The following AHR variants were observed in gnomAD, a reference collection of about 807,000 sequenced individuals.
The protein encoded by AHR is AH-receptor.
AHR carries 40 observed loss-of-function variants against 86.8 expected under a neutral mutation model. The observed-to-expected ratio is 0.46, with a 90% confidence interval of 0.36 to 0.60. The LOEUF is 0.60. Among genes scored for constraint, AHR ranks in the 20% least tolerant of loss-of-function variants. The pLI, the probability that AHR is intolerant of heterozygous loss-of-function variation, is 0.00. For missense variants in AHR, 1,001 were observed against 1,011.6 expected, an observed-to-expected ratio of 0.99 and a Z score of 0.14; for synonymous variants, 398 against 354.9, an observed-to-expected ratio of 1.12 and a Z score of -1.37.
At chr7:17,341,701 T>C (rs921347378) in intron 10 of AHR, among the ~76,000 whole-genome samples, 2 of 152,180 alleles carry the variant, frequency 1.3e-5, no homozygotes, top group Non-Finnish European at 2.9e-5. Flanking sequence ...ATCTCATCTT[T>C]TATTATTGAT....
At chr7:17,340,645 C>G (rs1321925752) in intron 10 of AHR, among the ~76,000 whole-genome samples, 2 of 152,116 alleles carry the variant, frequency 1.3e-5, no homozygotes, top group Non-Finnish European at 2.9e-5. Context: ...ATAATTTCTT[C>G]AAAGCTCTAT....
intron 1 of AHR, among the ~76,000 whole-genome samples, chr7:17,302,848 A>T (rs1019172656): frequency 6.6e-6 from 1 of 151,858 alleles, no homozygotes; most frequent in African/African-American, 2.4e-5. Flanking sequence ...ACTGCTAAAG[A>T]TACAAATGAA....
At chr7:17,308,743 A>C (rs1030796568) in intron 1 of AHR, among the ~76,000 whole-genome samples, 3 of 152,010 alleles carry the variant, frequency 2.0e-5, no homozygotes, top group African/African-American at 7.2e-5. Context: ...CATTTTACCG[A>C]TGTATTACCT....
chr7:17,329,143 A>G (rs148750086), intron 4 of AHR, among the ~76,000 whole-genome samples: 16 of 152,062 alleles, frequency 1.1e-4, no homozygotes, highest in African/African-American at 3.9e-4. Context: ...TGGTAGATTA[A>G]GACACCATTT....
chr7:17,317,445 A>T (rs774346145), intron 2 of AHR, among the ~76,000 whole-genome samples: 2 of 152,136 alleles, frequency 1.3e-5, no homozygotes, highest in African/African-American at 4.8e-5. Context: ...GTCTTAAGAT[A>T]GGTGCTTCAG....
rs193023816 is a variant in AHR, at chr7:17,332,507, A to G, written c.706-1405A>G. On this transcript the variant is annotated intron_variant, in intron 6 of 10. Coordinates refer to ENST00000242057, the MANE Select transcript of AHR (RefSeq NM_001621.5). ...ATCATTAATGATCCTCACCCTGTAC[A>G]GACCTAAGCTAATGTGTGGGTTTGT... Among the ~76,000 whole-genome samples, 33 of 151,972 alleles carry G rather than the reference A, an allele frequency of 2.2e-4. No homozygotes were observed. The East Asian group carries it at 5.2e-3, about 24-fold the overall frequency.
intron 9 of AHR, among the ~76,000 whole-genome samples, chr7:17,337,044 T>C (rs900592310): frequency 1.3e-5 from 2 of 152,168 alleles, no homozygotes; most frequent in Admixed American, 6.5e-5. Flanking sequence ...TTTGCTATCT[T>C]ATTTTTATTA....
chr7:17,308,990 G>A (rs1052459650), intron 1 of AHR, among the ~76,000 whole-genome samples: 1 of 152,178 alleles, frequency 6.6e-6, no homozygotes, highest in Non-Finnish European at 1.5e-5. Context: ...AGGTATAGAG[G>A]TATAAGGTAT....
intron 3 of AHR, among the ~76,000 whole-genome samples, chr7:17,325,080 G>T (rs1168884681): frequency 6.6e-6 from 1 of 152,124 alleles, no homozygotes; most frequent in Non-Finnish European, 1.5e-5. Context: ...TTTCAGATAG[G>T]TTGAGTGAAT....
intron 2 of AHR, among the ~76,000 whole-genome samples, chr7:17,321,545 A>C (rs982151085): frequency 6.6e-6 from 1 of 151,216 alleles, no homozygotes; most frequent in African/African-American, 2.4e-5. Context: ...TATTATTTCT[A>C]TTCAGCTGCG....
chr7:17,327,997 TTAA>T lies in AHR; in HGVS notation c.450+154_450+156del, dbSNP rs543885584. On this transcript the variant is annotated intron_variant, in intron 4 of 10. Coordinates refer to ENST00000242057, the MANE Select transcript of AHR (RefSeq NM_001621.5). ...TTGTAGCTAATAATTTTTTCTAATATTAATAATTTACTGCACTATAATTCCTTT... is the reference window on the plus strand; with the variant it reads ...TTGTAGCTAATAATTTTTTCTAATATTAATTTACTGCACTATAATTCCTTT... The T allele has an allele frequency of 9.5e-4, 250 of 262,138 alleles. 1 individual carries two copies. The highest frequency in any genetic ancestry group is 5.2e-3 in the African/African-American group (233 of 44,516). 16.2% of individuals were successfully genotyped at this position (262,138 alleles called of 1,614,324 possible).
chr7:17,333,890 T>G, intron 6 of AHR, 22 bp from the exon 7 acceptor site: 1 of 1,597,646 alleles, frequency 6.3e-7, no homozygotes, highest in Non-Finnish European at 8.6e-7. Flanking sequence ...ATGAACTTTT[T>G]TGTTGTTGTT....
intron 2 of AHR, among the ~76,000 whole-genome samples, chr7:17,320,859 C>G (rs1457240472): frequency 6.6e-6 from 1 of 152,074 alleles, no homozygotes; most frequent in Non-Finnish European, 1.5e-5. Flanking sequence ...AAGTTACATT[C>G]AGAGACCGTG....
chr7:17,310,782 C>G, intron 2 of AHR, among the ~76,000 whole-genome samples: 1 of 152,080 alleles, frequency 6.6e-6, no homozygotes, highest in South Asian at 2.1e-4. Context: ...GTGATCTGCC[C>G]GTCTCAGCCT....
intron 4 of AHR, 65 bp downstream of exon 4, chr7:17,327,913 C>A: frequency 1.6e-6 from 1 of 622,834 alleles, no homozygotes; most frequent in Non-Finnish European, 2.3e-6. Context: ...ATATTTAGGA[C>A]ACAGTTGGCC....
chr7:17,305,648 T>G (rs998728433), intron 1 of AHR, among the ~76,000 whole-genome samples: 10 of 152,108 alleles, frequency 6.6e-5, no homozygotes, highest in Non-Finnish European at 1.5e-5. Flanking sequence ...TAGAGCAAAC[T>G]CAGTACTGTG....
Position 17,328,483 on chromosome 7 carries a change from G to A in AHR, c.450+635G>A, listed in dbSNP as rs1306769019. Among the ~76,000 whole-genome samples the A allele has an allele frequency of 2.0e-5, 3 of 151,966 alleles. No homozygotes were observed. In the East Asian group the frequency reaches 5.8e-4, roughly 29 times the overall value. Reference sequence around the variant, plus strand: ...AGGGCAAGAACATCTTTTATGGTTTGAGAACAGATTGTAACATTTGAATGC... The same window carrying A: ...AGGGCAAGAACATCTTTTATGGTTTAAGAACAGATTGTAACATTTGAATGC... On this transcript the variant is annotated intron_variant, in intron 4 of 10. Transcript: ENST00000242057.
At chr7:17,303,233 A>T (rs1232521357) in intron 1 of AHR, among the ~76,000 whole-genome samples, 1 of 152,092 alleles carries the variant, frequency 6.6e-6, no homozygotes, top group Non-Finnish European at 1.5e-5. Flanking sequence ...GAAAGGTAGT[A>T]TTATTTAAGT....
At position 17,345,432 on chromosome 7, in the gene AHR, C is replaced by T. The variant is rs1290566025; in HGVS notation, c.*2368C>T. The T allele has an allele frequency of 6.6e-6, 1 of 152,446 alleles. No homozygotes were observed. The highest frequency in any genetic ancestry group is 6.6e-5 in the Admixed American group (1 of 15,258). The allele number at this position is 152,446 out of a possible 1,614,324, so 9.4% of individuals were successfully genotyped here. A position where few individuals can be genotyped will look rare whatever the true frequency, so the allele number is the denominator to read the frequency against. On this transcript the variant is annotated 3_prime_UTR_variant, in exon 11 of 11. Transcript: ENST00000242057. ...TGTATTTTCAGTCAAAACTTTAAAC[C>T]TGTAGAATCAATTTAAGTGTTGGAA... is the stretch of plus-strand genomic sequence containing the variant.
Sources: gnomAD v4.1 joint callset for allele counts (sites outside exome capture counted in the v4.1 genomes callset) on GRCh38, gnomAD v4.1.1 for gene constraint, MANE v1.5 for transcripts, NCBI Gene and HGNC (gene_info 2026-07-23, HGNC 2026-07-21) for gene names.